The following NCOR2 variants were observed in gnomAD, a reference collection of about 807,000 sequenced individuals.
NCOR2 encodes CTG repeat protein 26.
In NCOR2, 81 loss-of-function variants were observed where a neutral mutation model predicts 262.9. That is an observed-to-expected ratio of 0.31 (90% CI 0.26 to 0.37). NCOR2 has a LOEUF of 0.37. NCOR2 is among the 10% of genes least tolerant of loss of function. The pLI is 1.00. For missense variants in NCOR2, 3,385 were observed against 3,621.4 expected (o/e 0.93, Z 1.68); for synonymous variants, 1,659 against 1,559.3 (o/e 1.06, Z -1.51).
intron 5 of NCOR2, among the ~76,000 whole-genome samples, chr12:124,461,701 A>G (rs2046173789): frequency 6.6e-6 from 1 of 152,238 alleles, no homozygotes; most frequent in Non-Finnish European, 1.5e-5. Flanking sequence ...TCTCACGCAC[A>G]TCCACCTGTA....
intron 5 of NCOR2, among the ~76,000 whole-genome samples, chr12:124,463,034 T>C (rs545355517): frequency 9.9e-5 from 15 of 152,274 alleles, no homozygotes; most frequent in South Asian, 6.2e-4. Flanking sequence ...CTTTCCCCAG[T>C]CGACCTAGCT....
At chr12:124,326,960 G>A (rs1034008714) in intron 45 of NCOR2, among the ~76,000 whole-genome samples, 3 of 152,212 alleles carry the variant, frequency 2.0e-5, no homozygotes, top group Non-Finnish European at 1.5e-5. Context: ...CTCCCCACCA[G>A]GCTAAGGGGC....
Position 124,466,239 on chromosome 12 carries a change from G to T in NCOR2, c.639C>A (p.Pro213=), listed in dbSNP as rs562850972. 55 of 1,609,742 alleles carry T rather than the reference G, an allele frequency of 3.4e-5. No individual in the cohort carries two copies. In the Admixed American group the frequency reaches 9.0e-4, roughly 26 times the overall value. The stretch of plus-strand genomic sequence containing the variant: ...TCGACTCGATGGGCGGCGGTGACAC[G>T]GGCTTCTCAGGCTCGGGCGGCTTGG... Residue 213 remains proline (P), a synonymous_variant, in exon 5 of 47, where the codon CCC becomes CCA. Transcript: ENST00000405201.
chr12:124,342,556 G>C (rs1043410606), intron 33 of NCOR2, among the ~76,000 whole-genome samples: 1 of 152,050 alleles, frequency 6.6e-6, no homozygotes, highest in East Asian at 1.9e-4. Flanking sequence ...TTTTAGTAGG[G>C]ACGGGGTTTC....
chr12:124,354,885 C>T (rs1312773415), exon 25 of NCOR2: 1 of 1,612,360 alleles, frequency 6.2e-7, no homozygotes, highest in Non-Finnish European at 8.5e-7. Context: ...GTGACAGGGC[C>T]CACCGGGGCC....
At chr12:124,393,886 T>A (rs1268526737) in intron 16 of NCOR2, among the ~76,000 whole-genome samples, 1 of 152,284 alleles carries the variant, frequency 6.6e-6, no homozygotes, top group African/African-American at 2.4e-5. Flanking sequence ...ACGGTGTTAC[T>A]GGGTGATATT....
intron 1 of NCOR2, among the ~76,000 whole-genome samples, chr12:124,506,739 C>T (rs752782008): frequency 1.2e-4 from 18 of 152,232 alleles, no homozygotes; most frequent in Non-Finnish European, 2.5e-4. Flanking sequence ...CAGCAATCTT[C>T]TCTGCAGAGG....
chr12:124,542,968 G>A (rs994068349), intron 1 of NCOR2: 14 of 137,944 alleles, frequency 1.0e-4, no homozygotes, highest in Non-Finnish European at 2.1e-4. Flanking sequence ...AGCCCTCCTG[G>A]AATCTGCAGA....
chr12:124,536,554 C>T (rs765918964), upstream of NCOR2, among the ~76,000 whole-genome samples: 3 of 152,106 alleles, frequency 2.0e-5, no homozygotes, highest in Non-Finnish European at 2.9e-5. Flanking sequence ...CAATAAGACA[C>T]GAAAAGATGC....
At chr12:124,471,092 G>A (rs2046807254) in intron 4 of NCOR2, among the ~76,000 whole-genome samples, 1 of 152,266 alleles carries the variant, frequency 6.6e-6, no homozygotes, top group Non-Finnish European at 1.5e-5. Context: ...TGAAGCCTAG[G>A]ACAGTTGGCA....
At chr12:124,500,406 A>G (rs1270101567) in intron 1 of NCOR2, among the ~76,000 whole-genome samples, 1 of 152,202 alleles carries the variant, frequency 6.6e-6, no homozygotes, top group Non-Finnish European at 1.5e-5. Context: ...CAGCAGCAGA[A>G]GCCAAGTGGG....
intron 32 of NCOR2, 21 bp downstream of exon 34, chr12:124,344,576 G>A (rs1400287525): frequency 6.3e-6 from 9 of 1,432,508 alleles, no homozygotes; most frequent in South Asian, 4.5e-5. Context: ...CCCCACTCAC[G>A]CCCATGCACA....
At chr12:124,425,132 T>C (rs2043458047) in intron 11 of NCOR2, among the ~76,000 whole-genome samples, 1 of 152,180 alleles carries the variant, frequency 6.6e-6, no homozygotes, top group Non-Finnish European at 1.5e-5. Context: ...CTCAGCACTT[T>C]GGGAGGCCGA....
chr12:124,431,531 CACAGGCACACATACAT>C (rs2043933167), intron 8 of NCOR2, among the ~76,000 whole-genome samples: 1 of 150,096 alleles, frequency 6.7e-6, no homozygotes, highest in African/African-American at 2.5e-5. Context: ...GACAGATATA[CACAGGCACACATACAT>C]ACAGGCACAC....
chr12:124,344,478 G>T, intron 32 of NCOR2, 119 bp downstream of exon 34: 2 of 969,348 alleles, frequency 2.1e-6, no homozygotes, highest in Non-Finnish European at 2.9e-6. Flanking sequence ...TGGTTTGGAT[G>T]TGGTGGAAAG....
chr12:124,422,700 G>A, intron 11 of NCOR2, 145 bp from the exon 14 acceptor site: 2 of 842,622 alleles, frequency 2.4e-6, no homozygotes, highest in Non-Finnish European at 1.9e-6. Context: ...CCAGGGGGGT[G>A]TGGGAAGGGC....
At chr12:124,497,825 G>T (rs1015810277), upstream of NCOR2, among the ~76,000 whole-genome samples, 1 of 152,182 alleles carries the variant, frequency 6.6e-6, no homozygotes, top group African/African-American at 2.4e-5. The surrounding 1 kb of genome is among the most constrained non-coding windows in gnomAD (Gnocchi z 4.2). Context: ...CACCAGTGAC[G>T]CTATGATGGG....
rs1192865450 is a variant in NCOR2, at chr12:124,551,453, C to A, written c.-164-15842G>T. The stretch of plus-strand genomic sequence containing the variant: ...GAAAAGCCCAGGCCCCAGTGAGAGG[C>A]GGTGGCCTCCAGGAAGGGGGCTCCC... On this transcript the variant is annotated intron_variant, in intron 1 of 32. Coordinates refer to the NCOR2 transcript ENST00000458234. Among the ~76,000 whole-genome samples the A allele has an allele frequency of 2.6e-5, 4 of 152,340 alleles. No homozygotes were observed. The East Asian group carries it at 5.8e-4, about 22-fold the overall frequency.
At chr12:124,333,483 A>G (rs995795112) in intron 41 of NCOR2, among the ~76,000 whole-genome samples, 1 of 152,094 alleles carries the variant, frequency 6.6e-6, no homozygotes, top group Non-Finnish European at 1.5e-5. Flanking sequence ...TTAAAAATGT[A>G]AAATCATTTT....
Sources: allele counts gnomAD v4.1 joint callset (sites outside exome capture counted in the v4.1 genomes callset), GRCh38; gene constraint gnomAD v4.1.1; non-coding constraint Gnocchi (gnomAD v3.1); transcripts MANE v1.5; gene names NCBI Gene and HGNC (gene_info 2026-07-23, HGNC 2026-07-21).